MAEL: variants seen among roughly 807,000 people sequenced by gnomAD.
MAEL encodes the protein maelstrom spermatogenic transposon silencer.
In MAEL, 46 loss-of-function variants were observed where a neutral mutation model predicts 62.0. The ratio of observed to expected loss-of-function variants is 0.74; its 90% CI spans 0.59 to 0.95. MAEL has a LOEUF of 0.95. Ranked by LOEUF, MAEL falls within the 40% of genes least tolerant of loss-of-function variation. The pLI, the probability that MAEL is intolerant of heterozygous loss-of-function variation, is 0.00. For missense variants in MAEL, 497 were observed against 526.8 expected, an observed-to-expected ratio of 0.94 and a Z score of 0.55; for synonymous variants, 172 against 175.5, an observed-to-expected ratio of 0.98 and a Z score of 0.16.
chr1:167,006,955 A>C lies in MAEL; in HGVS notation c.845+1558A>C, dbSNP rs576033593. ...CCAGCTTTTTACCATATAATTAATA[A>C]ATATTTTGTGGGGAAATACTTTCAA... On this transcript the variant is annotated intron_variant, in intron 8 of 11. Coordinates refer to ENST00000367872, the MANE Select transcript of MAEL (RefSeq NM_032858.3). Among the ~76,000 whole-genome samples the C allele has an allele frequency of 4.6e-5, 7 of 152,036 alleles. No homozygotes were observed. In the South Asian group the frequency reaches 1.5e-3, roughly 32 times the overall value.
intron 1 of MAEL, 77 bp from the exon 2 acceptor site, chr1:166,989,660 C>T: frequency 2.0e-6 from 3 of 1,494,260 alleles, no homozygotes; most frequent in Non-Finnish European, 2.7e-6. Flanking sequence ...CTGTAATGCC[C>T]CAGCATCTGC....
intron 5 of MAEL, among the ~76,000 whole-genome samples, chr1:167,000,028 G>T (rs1664594373): frequency 6.6e-6 from 1 of 152,044 alleles, no homozygotes; most frequent in African/African-American, 2.4e-5. Flanking sequence ...AGTCATCCAA[G>T]AGCTCTGGTG....
upstream of MAEL, among the ~76,000 whole-genome samples, chr1:166,985,352 AG>A (rs1663880835): frequency 6.6e-6 from 1 of 152,190 alleles, no homozygotes; most frequent in Non-Finnish European, 1.5e-5. Context: ...AGATATGGTA[AG>A]GATCTCCCTT....
chr1:167,015,628 A>T (rs1165125322), intron 8 of MAEL, among the ~76,000 whole-genome samples: 6 of 150,498 alleles, frequency 4.0e-5, no homozygotes, highest in African/African-American at 1.2e-4. Context: ...TATTTCCGTC[A>T]TTTCCTCACC....
At chr1:167,006,522 A>G (rs1664902212) in intron 8 of MAEL, among the ~76,000 whole-genome samples, 1 of 148,958 alleles carries the variant, frequency 6.7e-6, no homozygotes, top group Admixed American at 6.8e-5. Context: ...TTGTCCAATT[A>G]CTGATGATGA....
intron 5 of MAEL, among the ~76,000 whole-genome samples, chr1:166,995,988 A>G (rs1334195498): frequency 1.3e-5 from 2 of 152,236 alleles, no homozygotes; most frequent in African/African-American, 4.8e-5. Context: ...TTATTATTCA[A>G]CCTAGTCAAA....
Position 167,004,334 on chromosome 1 carries a change from G to T in MAEL, c.648+30G>T. On this transcript the variant is annotated intron_variant, in intron 6 of 11. Transcript: ENST00000367872. ...TTTCAGGTTAAGAAGTTCTTTTAAGGTATCAATTTATAGTACCAAAAGATC... is the reference window on the plus strand; with the variant it reads ...TTTCAGGTTAAGAAGTTCTTTTAAGTTATCAATTTATAGTACCAAAAGATC... 3 of 1,556,412 alleles carry T rather than the reference G, an allele frequency of 1.9e-6. No homozygotes were observed. The South Asian group carries it at 3.8e-5, about 19-fold the overall frequency.
intron 8 of MAEL, among the ~76,000 whole-genome samples, chr1:167,008,383 A>G (rs1055447980): frequency 2.0e-5 from 3 of 152,060 alleles, no homozygotes; most frequent in African/African-American, 7.2e-5. Context: ...GATACATGTT[A>G]TATAGCTTTT....
chr1:167,003,419 A>C lies in MAEL; in HGVS notation c.524-761A>C, dbSNP rs117688120. 1.5e-4 allele frequency among the ~76,000 whole-genome samples: 23 copies of C among 152,238 alleles called. No individual in the cohort carries two copies. The East Asian group carries it at 4.1e-3, about 27-fold the overall frequency. The stretch of plus-strand genomic sequence containing the variant: ...TGTTTTATTGTGTACCTGATTGTTC[A>C]TGGAGTATTTGGTGGAAGTAATGAT... On this transcript the variant is annotated intron_variant, in intron 5 of 11. Transcript: ENST00000367872.
chr1:166,989,180 A>T, upstream of MAEL: 2 of 879,248 alleles, frequency 2.3e-6, no homozygotes, highest in Non-Finnish European at 3.4e-6. Context: ...GGAATCTTCC[A>T]GTCTCAGGCT....
In MAEL at chr1:166,992,777, T is replaced by A; in HGVS notation, c.417T>A (p.Ile139=). Residue 139 remains isoleucine, a synonymous_variant, in exon 4 of 12, where the codon ATT becomes ATA. Coordinates refer to ENST00000367872, the MANE Select transcript of MAEL (RefSeq NM_032858.3). ...HCEQRFLPCE[I]GCVKYSLQEG... Reference sequence around the variant, plus strand: ...AACAGCGCTTCCTCCCTTGTGAAATTGGCTGTGTTAAGTATTCTCTCCAAG... The same window carrying A: ...AACAGCGCTTCCTCCCTTGTGAAATAGGCTGTGTTAAGTATTCTCTCCAAG... 6.2e-7 allele frequency: 1 copy of A among 1,611,642 alleles called. No individual in the cohort carries two copies. Among genetic ancestry groups the A allele is most frequent in the Non-Finnish European group, 8.5e-7 (1 of 1,179,086 alleles).
intron 8 of MAEL, among the ~76,000 whole-genome samples, chr1:167,006,622 T>C (rs1398670548): frequency 0.15 from 14,639 of 95,788 alleles, 1,216 homozygotes; most frequent in Non-Finnish European, 0.18. Context: ...TATATATATA[T>C]ATATATATAT....
chr1:166,992,234 A>T (rs1381716107), intron 3 of MAEL, among the ~76,000 whole-genome samples: 1 of 152,058 alleles, frequency 6.6e-6, no homozygotes, highest in Admixed American at 6.5e-5. Flanking sequence ...CCTTTAGAGG[A>T]TTTATAGGTG....
intron 8 of MAEL, among the ~76,000 whole-genome samples, chr1:167,009,686 T>C (rs1557984338): frequency 6.6e-6 from 1 of 152,002 alleles, no homozygotes; most frequent in African/African-American, 2.4e-5. Context: ...ATGTTTGATC[T>C]TCTTTGCCTT....
chr1:166,991,248 T>C (rs569377984), intron 2 of MAEL, 130 bp from the exon 3 acceptor site: 25 of 655,266 alleles, frequency 3.8e-5, no homozygotes, highest in Non-Finnish European at 7.0e-5. Flanking sequence ...TTGACAGATA[T>C]ATTTATTCAC....
rs189211521 is a variant in MAEL, at chr1:166,992,981, A to G, written c.481+140A>G. On this transcript the variant is annotated intron_variant, in intron 4 of 11. Coordinates refer to ENST00000367872, the MANE Select transcript of MAEL (RefSeq NM_032858.3). ...AATGTAACAAGACTTCATAATGCTT[A>G]TTGAAAAACTGTTAGGAATTAGGTG... The G allele has an allele frequency of 2.0e-5, 14 of 715,728 alleles. No individual in the cohort carries two copies. In the Admixed American group the frequency reaches 4.2e-4, roughly 21 times the overall value. The allele number at this position is 715,728 out of a possible 1,614,324, so 44.3% of individuals were successfully genotyped here. A position where few individuals can be genotyped will look rare whatever the true frequency, so the allele number is the denominator to read the frequency against.
intron 4 of MAEL, 34 bp downstream of exon 4, chr1:166,992,875 G>A (rs137886578): frequency 1.1e-4 from 159 of 1,508,308 alleles, no homozygotes; most frequent in Non-Finnish European, 6.4e-5. Flanking sequence ...GATCTTAAAC[G>A]TGTATGGTTT....
chr1:166,988,628 G>T (rs1266046098), upstream of MAEL, among the ~76,000 whole-genome samples: 1 of 151,998 alleles, frequency 6.6e-6, no homozygotes, highest in African/African-American at 2.4e-5. Flanking sequence ...ACCTTCTCTA[G>T]ACATCAGTAG....
Position 167,008,948 on chromosome 1 carries a change from T to G in MAEL, c.845+3551T>G, listed in dbSNP as rs570153998. Among the ~76,000 whole-genome samples, 341 of 131,124 alleles carry G rather than the reference T, an allele frequency of 2.6e-3. 3 individuals are homozygous for G. The highest frequency in any genetic ancestry group is 0.011 in the African/African-American group (325 of 30,148). 86.0% of individuals were successfully genotyped at this position (131,124 alleles called of 152,430 possible). On this transcript the variant is annotated intron_variant, in intron 8 of 11. Coordinates refer to ENST00000367872, the MANE Select transcript of MAEL (RefSeq NM_032858.3). ...TTATGGAAGTTACTGGTCTTTGGGGTTTTTTTGCTGACTTAATATATAATC... is the reference window on the plus strand; with the variant it reads ...TTATGGAAGTTACTGGTCTTTGGGGGTTTTTTGCTGACTTAATATATAATC...
Sources: allele counts gnomAD v4.1 joint callset (sites outside exome capture counted in the v4.1 genomes callset), GRCh38; gene constraint gnomAD v4.1.1; transcripts MANE v1.5; gene names NCBI Gene and HGNC (gene_info 2026-07-23, HGNC 2026-07-21).